The following CSMD1 variants were observed in gnomAD, a reference collection of about 807,000 sequenced individuals.
The protein encoded by CSMD1 is CUB and Sushi multiple domains 1.
In CSMD1, 213 loss-of-function variants were observed where a neutral mutation model predicts 417.5. The observed-to-expected ratio is 0.51, with a 90% CI of 0.46 to 0.57. The LOEUF (loss-of-function observed/expected upper bound fraction) is 0.57. CSMD1 is among the 20% of genes least tolerant of loss of function. The pLI, the probability that CSMD1 is intolerant of heterozygous loss-of-function variation, is 0.00. For missense variants in CSMD1, 6,923 were observed against 4,529.7 expected (o/e 1.53, Z -15.17); for synonymous variants, 2,862 against 1,736.8 (o/e 1.65, Z -16.11).
At chr8:3,488,275 G>A (rs1486378905) in intron 11 of CSMD1, among the ~76,000 whole-genome samples, 2 of 151,732 alleles carry the variant, frequency 1.3e-5, no homozygotes, top group Admixed American at 1.3e-4. Context: ...GCTAATTTTT[G>A]TCTTTGTTTT....
chr8:4,812,617 A>C (rs1285233339), intron 1 of CSMD1, among the ~76,000 whole-genome samples: 1 of 152,182 alleles, frequency 6.6e-6, no homozygotes, highest in East Asian at 1.9e-4. Flanking sequence ...AAAAACCTAC[A>C]TACAATATTT....
intron 5 of CSMD1, among the ~76,000 whole-genome samples, chr8:3,973,588 A>G (rs1813223155): frequency 1.3e-5 from 2 of 152,200 alleles, no homozygotes; most frequent in Admixed American, 1.3e-4. Flanking sequence ...AAAAGAAGGA[A>G]AAAAGGGAAA....
chr8:4,678,328 C>T (rs6558901), intron 1 of CSMD1, among the ~76,000 whole-genome samples: 106,535 of 151,848 alleles, frequency 0.7, 37,986 homozygotes, highest in African/African-American at 0.82. Flanking sequence ...TGAGAATAAC[C>T]TGAACCCAAG....
At chr8:4,076,246 C>A (rs542180441) in intron 3 of CSMD1, among the ~76,000 whole-genome samples, 1 of 152,190 alleles carries the variant, frequency 6.6e-6, no homozygotes, top group Non-Finnish European at 1.5e-5. Flanking sequence ...TGGCACTTCT[C>A]TCTCCTGCCA....
intron 3 of CSMD1, among the ~76,000 whole-genome samples, chr8:4,128,243 A>G (rs974113531): frequency 1.3e-5 from 2 of 152,126 alleles, no homozygotes; most frequent in African/African-American, 2.4e-5. Flanking sequence ...TGCATGGCTG[A>G]CAGGTGCAAT....
chr8:4,083,795 T>A (rs1489587204), intron 3 of CSMD1, among the ~76,000 whole-genome samples: 1 of 152,124 alleles, frequency 6.6e-6, no homozygotes, highest in African/African-American at 2.4e-5. Context: ...GGACTTCATG[T>A]CTATAACACC....
intron 8 of CSMD1, among the ~76,000 whole-genome samples, chr8:3,615,432 T>A (rs991391111): frequency 3.9e-5 from 6 of 152,150 alleles, no homozygotes; most frequent in Non-Finnish European, 7.4e-5. Flanking sequence ...AATAAGAAAT[T>A]TCATCTCAAG....
intron 12 of CSMD1, among the ~76,000 whole-genome samples, chr8:3,459,785 G>A (rs1816384108): frequency 6.6e-6 from 1 of 152,216 alleles, no homozygotes; most frequent in Admixed American, 6.5e-5. Flanking sequence ...AGGAATCAGA[G>A]CAGCATCAAC....
At chr8:3,085,955 G>A (rs182104537) in intron 49 of CSMD1, among the ~76,000 whole-genome samples, 1 of 152,264 alleles carries the variant, frequency 6.6e-6, no homozygotes, top group East Asian at 1.9e-4. Flanking sequence ...GACAGGAAAT[G>A]ACTTCAGGAG....
intron 2 of CSMD1, among the ~76,000 whole-genome samples, chr8:4,471,212 G>C (rs1350808140): frequency 6.6e-6 from 1 of 152,006 alleles, no homozygotes; most frequent in East Asian, 1.9e-4. Context: ...AACAATCTTA[G>C]AAAAAGTCTC....
At chr8:4,376,680 C>T (rs10098573) in intron 3 of CSMD1, among the ~76,000 whole-genome samples, 11,693 of 152,142 alleles carry the variant, frequency 0.077, 570 homozygotes, top group South Asian at 0.12. Flanking sequence ...CCGTTGTTAA[C>T]GCTGAATATT....
At chr8:3,407,598 G>C (rs1314836899) in intron 14 of CSMD1, among the ~76,000 whole-genome samples, 2 of 151,904 alleles carry the variant, frequency 1.3e-5, no homozygotes, top group Non-Finnish European at 2.9e-5. Flanking sequence ...TAGAATGATG[G>C]ATGGATGAAT....
intron 1 of CSMD1, among the ~76,000 whole-genome samples, chr8:4,818,174 C>T (rs1799313910): frequency 6.6e-6 from 1 of 152,050 alleles, no homozygotes; most frequent in East Asian, 1.9e-4. Context: ...TTTATATATT[C>T]TCAATATATC....
At chr8:4,718,518 T>G (rs965475184) in intron 1 of CSMD1, among the ~76,000 whole-genome samples, 4 of 152,000 alleles carry the variant, frequency 2.6e-5, no homozygotes, top group Non-Finnish European at 4.4e-5. Context: ...TCAATTAATA[T>G]TTTACATTAA....
chr8:4,148,845 T>A (rs1286339236), intron 3 of CSMD1, among the ~76,000 whole-genome samples: 3 of 152,192 alleles, frequency 2.0e-5, no homozygotes, highest in African/African-American at 7.2e-5. Flanking sequence ...TTGGCTTGTG[T>A]CCTGGGAAAG....
intron 5 of CSMD1, among the ~76,000 whole-genome samples, chr8:3,888,525 C>G (rs950297832): frequency 1.3e-5 from 2 of 152,180 alleles, no homozygotes; most frequent in African/African-American, 4.8e-5. Context: ...GCTGGCTCCC[C>G]CATCTGACCT....
intron 1 of CSMD1, among the ~76,000 whole-genome samples, chr8:4,936,415 T>C (rs1258233875): frequency 6.6e-6 from 1 of 152,212 alleles, no homozygotes; most frequent in East Asian, 1.9e-4. Context: ...TGTACTCAAA[T>C]TGATATAAAT....
chr8:4,339,808 G>A (rs1002332197), intron 3 of CSMD1, among the ~76,000 whole-genome samples: 1 of 152,198 alleles, frequency 6.6e-6, no homozygotes. Flanking sequence ...AGAACCACTT[G>A]AGGCCAGGAG....
chr8:3,155,430 C>T lies in CSMD1; in HGVS notation c.5914+2467G>A, dbSNP rs1169682821. ...TCACCCAGGATGGAGTGCAGTGGCG[C>T]GATCTTGGCTCACTGCAAGCTCCGC... On this transcript the variant is annotated intron_variant, in intron 39 of 69. Transcript: ENST00000635120. 7.5e-5 allele frequency among the ~76,000 whole-genome samples: 9 copies of T among 119,580 alleles called. No individual in the cohort carries two copies. In the East Asian group the frequency reaches 8.5e-4, roughly 11 times the overall value. 78.4% of individuals were successfully genotyped at this position (119,580 alleles called of 152,430 possible).
Sources: allele counts gnomAD v4.1 joint callset (sites outside exome capture counted in the v4.1 genomes callset), GRCh38; gene constraint gnomAD v4.1.1; transcripts MANE v1.5; gene names NCBI Gene and HGNC (gene_info 2026-07-23, HGNC 2026-07-21).